PRKG1: variants seen among roughly 807,000 people sequenced by gnomAD.
PRKG1 encodes cGMP-dependent protein kinase 1.
PRKG1 carries 35 observed loss-of-function variants against 88.1 expected under a neutral mutation model. The ratio of observed to expected loss-of-function variants is 0.40; its 90% confidence interval spans 0.30 to 0.53. The LOEUF (loss-of-function observed/expected upper bound fraction) is 0.53. PRKG1 is among the 20% of genes least tolerant of loss of function. The pLI is 0.59. For synonymous variants in PRKG1, 303 were observed against 292.5 expected (o/e 1.04, Z -0.37); for missense variants, 540 against 839.8 (o/e 0.64, Z 4.41).
At chr10:51,745,955 C>A (rs1837565935) in intron 3 of PRKG1, among the ~76,000 whole-genome samples, 1 of 152,220 alleles carries the variant, frequency 6.6e-6, no homozygotes, top group Admixed American at 6.5e-5. Flanking sequence ...ATTGATCCTA[C>A]TGCCTTAGCC....
chr10:52,233,120 C>A (rs1018084256), intron 9 of PRKG1, among the ~76,000 whole-genome samples: 2 of 149,240 alleles, frequency 1.3e-5, no homozygotes, highest in African/African-American at 2.5e-5. Flanking sequence ...ACATAGGCCA[C>A]GTGAATTTGG....
intron 2 of PRKG1, among the ~76,000 whole-genome samples, chr10:51,267,878 G>A (rs1839876937): frequency 6.6e-6 from 1 of 152,180 alleles, no homozygotes; most frequent in Non-Finnish European, 1.5e-5. Flanking sequence ...GAAAATATTT[G>A]CAAACTATGC....
intron 3 of PRKG1, among the ~76,000 whole-genome samples, chr10:51,789,968 C>T (rs1838825851): frequency 6.6e-6 from 1 of 151,976 alleles, no homozygotes; most frequent in African/African-American, 2.4e-5. Flanking sequence ...ATTACAGGCA[C>T]CCACTGCCAC....
intron 2 of PRKG1, among the ~76,000 whole-genome samples, chr10:51,260,016 A>G (rs1030869404): frequency 6.6e-5 from 10 of 152,182 alleles, no homozygotes; most frequent in African/African-American, 2.4e-4. Context: ...ATATATGTAT[A>G]CATATGTATA....
chr10:51,642,729 A>T lies in PRKG1; in HGVS notation c.593-161856A>T, dbSNP rs556116836. Among the ~76,000 whole-genome samples, 106 of 152,322 alleles carry T rather than the reference A, an allele frequency of 7.0e-4. 2 individuals are homozygous for T. In the South Asian group the frequency reaches 0.021, roughly 30 times the overall value. On this transcript the variant is annotated intron_variant, in intron 3 of 17. Coordinates refer to ENST00000373980, the MANE Select transcript of PRKG1 (RefSeq NM_006258.4). ...CCCAACTGTTTATATTTCTCCTAAG[A>T]ATAATTAACAATGGGCTTATTATAA...
At chr10:52,079,605 T>A (rs1846717959) in intron 7 of PRKG1, among the ~76,000 whole-genome samples, 1 of 152,104 alleles carries the variant, frequency 6.6e-6, no homozygotes, top group Non-Finnish European at 1.5e-5. Flanking sequence ...AGAGGCAAGG[T>A]TCACTGTTTA....
At chr10:51,353,717 C>A (rs1264981234) in intron 2 of PRKG1, among the ~76,000 whole-genome samples, 1 of 152,088 alleles carries the variant, frequency 6.6e-6, no homozygotes, top group Non-Finnish European at 1.5e-5. Flanking sequence ...ATTAATGCAA[C>A]CACTATGGAG....
At chr10:51,129,017 T>G (rs766361347) in intron 1 of PRKG1, among the ~76,000 whole-genome samples, 1 of 152,230 alleles carries the variant, frequency 6.6e-6, no homozygotes, top group Non-Finnish European at 1.5e-5. Context: ...GCCTCTTGGC[T>G]ATCTGGAATA....
intron 3 of PRKG1, among the ~76,000 whole-genome samples, chr10:51,743,918 C>G (rs1837512907): frequency 6.7e-6 from 1 of 150,068 alleles, no homozygotes; most frequent in Admixed American, 6.7e-5. Flanking sequence ...TTTTTAACTC[C>G]CCTTGTTCTT....
chr10:51,399,129 A>G (rs867640761), intron 2 of PRKG1, among the ~76,000 whole-genome samples: 38 of 151,970 alleles, frequency 2.5e-4, no homozygotes, highest in Middle Eastern at 3.5e-3. Flanking sequence ...AGATATATGT[A>G]TACATATACA....
intron 5 of PRKG1, among the ~76,000 whole-genome samples, chr10:51,918,849 T>G (rs1842400782): frequency 1.6e-5 from 1 of 64,194 alleles, no homozygotes; most frequent in African/African-American, 5.1e-5. Context: ...TTTCAACTAT[T>G]TTTTTTTCTT....
At chr10:52,049,461 CA>C (rs1845936839) in intron 5 of PRKG1, among the ~76,000 whole-genome samples, 2 of 151,990 alleles carry the variant, frequency 1.3e-5, no homozygotes, top group Non-Finnish European at 2.9e-5. Context: ...TTACAGACCA[CA>C]ATAAATTGTT....
chr10:51,893,124 G>C (rs187496679), intron 4 of PRKG1, among the ~76,000 whole-genome samples: 1 of 152,058 alleles, frequency 6.6e-6, no homozygotes, highest in African/African-American at 2.4e-5. Context: ...TGTGTGATTA[G>C]TGCCTCACTT....
chr10:51,415,703 G>A (rs1838216497), intron 2 of PRKG1, among the ~76,000 whole-genome samples: 1 of 152,078 alleles, frequency 6.6e-6, no homozygotes, highest in Non-Finnish European at 1.5e-5. Flanking sequence ...CACCAGCCAA[G>A]GAGAAACAAA....
At chr10:51,329,729 T>G (rs769555777) in intron 2 of PRKG1, among the ~76,000 whole-genome samples, 45 of 152,126 alleles carry the variant, frequency 3.0e-4, no homozygotes, top group East Asian at 1.2e-3. Flanking sequence ...TTTTTTGTTT[T>G]TTTGTTTGTT....
chr10:51,670,106 A>G (rs1241933005), intron 3 of PRKG1, among the ~76,000 whole-genome samples: 3 of 152,248 alleles, frequency 2.0e-5, no homozygotes, highest in South Asian at 4.1e-4. Context: ...TGCTCCTTTC[A>G]TAATTATGAA....
At chr10:51,657,432 G>T (rs1345087804) in intron 3 of PRKG1, among the ~76,000 whole-genome samples, 4 of 152,108 alleles carry the variant, frequency 2.6e-5, no homozygotes, top group Non-Finnish European at 5.9e-5. Context: ...AATGTTCATT[G>T]TATGCAGGGC....
chr10:52,297,921 G>A lies in PRKG1; in HGVS notation c.*4021G>A, dbSNP rs1337050003. The A allele has an allele frequency of 6.6e-6, 1 of 152,146 alleles. No individual in the cohort carries two copies. The highest frequency in any genetic ancestry group is 1.5e-5 in the Non-Finnish European group (1 of 68,024). The allele number at this position is 152,146 out of a possible 1,614,324, so 9.4% of individuals were successfully genotyped here. ...GGCAAGTTTTCAACAGACCTAGAAA[G>A]CAAAACATTGAAAGTGTGTTGTTAG... On this transcript the variant is annotated 3_prime_UTR_variant, in exon 18 of 18. Transcript: ENST00000373980.
At chr10:51,121,390 A>G (rs1449754938) in intron 1 of PRKG1, among the ~76,000 whole-genome samples, 1 of 152,190 alleles carries the variant, frequency 6.6e-6, no homozygotes, top group Non-Finnish European at 1.5e-5. Context: ...ACATTTAAGC[A>G]TAATTTTTGG....
Sources: gnomAD v4.1 joint callset for allele counts (sites outside exome capture counted in the v4.1 genomes callset) on GRCh38, gnomAD v4.1.1 for gene constraint, MANE v1.5 for transcripts, NCBI Gene and HGNC (gene_info 2026-07-23, HGNC 2026-07-21) for gene names.